The following SECISBP2 variants were observed in gnomAD, a reference collection of about 807,000 sequenced individuals.
The protein encoded by SECISBP2 is selenocysteine insertion sequence-binding protein 2.
A neutral mutation model predicts 98.2 loss-of-function variants in SECISBP2; 96 were observed. The ratio of observed to expected loss-of-function variants is 0.98; its 90% CI spans 0.83 to 1.16. The LOEUF (loss-of-function observed/expected upper bound fraction) is 1.16. Among genes scored for constraint, SECISBP2 ranks in the 50% most tolerant of loss-of-function variants. The pLI is 0.00. For synonymous variants in SECISBP2, 407 were observed against 370.2 expected (o/e 1.10, Z -1.14); for missense variants, 1,046 against 1,022.9 (o/e 1.02, Z -0.31).
Position 89,325,653 on chromosome 9 carries a change from C to T in SECISBP2, c.409C>T (p.Gln137Ter). Residue 137 changes from glutamine to a stop codon, truncating the protein, a stop_gained, in exon 3 of 17, where the codon CAA (glutamine) becomes TAA (stop). Transcript: ENST00000375807. LOFTEE classifies it high-confidence loss of function. ...AAATGAGAACACATGCCCTCTCCCA[C>T]AAGAAATGAAAGCTCTGTTTAAGGT... ...HRNENTCPLP[Q>*]EMKALFKKKT... 1 of 1,614,166 alleles carries T rather than the reference C, an allele frequency of 6.2e-7. No individual in the cohort carries two copies. The highest frequency in any genetic ancestry group is 8.5e-7 in the Non-Finnish European group (1 of 1,180,020).
At chr9:89,353,258 C>G (rs762213367) in intron 14 of SECISBP2, among the ~76,000 whole-genome samples, 1 of 152,162 alleles carries the variant, frequency 6.6e-6, no homozygotes, top group Non-Finnish European at 1.5e-5. Flanking sequence ...GCACTGAGAA[C>G]TTCTGCTGTA....
intron 14 of SECISBP2, among the ~76,000 whole-genome samples, chr9:89,351,418 G>A (rs1007931628): frequency 6.6e-6 from 1 of 152,196 alleles, no homozygotes; most frequent in Non-Finnish European, 1.5e-5. Flanking sequence ...TGCTTGTGCT[G>A]TCTTGGCTCC....
chr9:89,349,750 T>C, intron 12 of SECISBP2, 26 bp from the exon 13 acceptor site: 1 of 1,613,888 alleles, frequency 6.2e-7, no homozygotes, highest in Non-Finnish European at 8.5e-7. Flanking sequence ...CACAGATATC[T>C]GATGATGCCT....
chr9:89,345,060 C>A (rs1830229413), intron 10 of SECISBP2, among the ~76,000 whole-genome samples: 1 of 152,214 alleles, frequency 6.6e-6, no homozygotes, highest in Non-Finnish European at 1.5e-5. Context: ...AACAAATTCT[C>A]ATGGTCTTTG....
At chr9:89,333,920 T>C (rs1005458482) in intron 6 of SECISBP2, 2 of 524,320 alleles carry the variant, frequency 3.8e-6, no homozygotes, top group African/African-American at 4.2e-5. Context: ...TGTAGTTCTC[T>C]AGTGAGGGGA....
At chr9:89,355,205 T>G (rs919282234) in intron 14 of SECISBP2, 3 of 985,342 alleles carry the variant, frequency 3.0e-6, no homozygotes, top group East Asian at 1.1e-4. Context: ...GTAAGTAGAT[T>G]CCAGGTGATA....
downstream of SECISBP2, chr9:89,362,139 T>C: frequency 1.7e-6 from 1 of 587,788 alleles, no homozygotes; most frequent in Non-Finnish European, 3.0e-6. Context: ...GGTTACCTGC[T>C]TGTGCCAGAC....
intron 9 of SECISBP2, among the ~76,000 whole-genome samples, chr9:89,340,223 G>C (rs1251317687): frequency 6.6e-6 from 1 of 152,096 alleles, no homozygotes; most frequent in Non-Finnish European, 1.5e-5. Context: ...TGGAAAGGAG[G>C]GGGATCATAC....
At position 89,357,562 on chromosome 9, in the gene SECISBP2, C is replaced by G; in HGVS notation, c.2265C>G (p.Ala755=). The G allele has an allele frequency of 6.2e-7, 1 of 1,613,424 alleles. No individual in the cohort carries two copies. The highest frequency in any genetic ancestry group is 1.7e-5 in the Admixed American group (1 of 60,012). ...SVVGIFSYDG[A]QDQFHKMVEL... ...TGGGGATCTTCAGCTATGATGGGGC[C>G]CAGGTGAGTGCACAGGGCACAGGCC... is the stretch of plus-strand genomic sequence containing the variant. The change falls in exon 15 of 17, where the codon GCC becomes GCG. Residue 755 remains alanine, a synonymous_variant. Transcript: ENST00000375807.
At position 89,350,797 on chromosome 9, in the gene SECISBP2, C is replaced by G. The variant is rs935612955; in HGVS notation, c.2058C>G (p.Leu686=). 1.2e-6 allele frequency: 2 copies of G among 1,614,112 alleles called. No individual in the cohort carries two copies. The highest frequency in any genetic ancestry group is 2.2e-5 in the South Asian group (2 of 91,084). Residue 686 remains leucine, a synonymous_variant, in exon 14 of 17, where the codon CTC becomes CTG. Coordinates refer to ENST00000375807, the MANE Select transcript of SECISBP2 (RefSeq NM_024077.5). The stretch of plus-strand genomic sequence containing the variant: ...GGGAGGTTCTCAAACACCTGAAGCT[C>G]AAAAAACTGAAATGTGTCATTATTT... The part of the protein sequence containing the change: ...GLREVLKHLK[L]KKLKCVIISP...
At position 89,359,199 on chromosome 9, in the gene SECISBP2, GCTC is replaced by G; in HGVS notation, c.*378_*380del. 1 of 331,418 alleles carries G rather than the reference GCTC, an allele frequency of 3.0e-6. No individual in the cohort carries two copies. Among genetic ancestry groups the G allele is most frequent in the Non-Finnish European group, 5.8e-6 (1 of 172,336 alleles). 20.5% of individuals were successfully genotyped at this position (331,418 alleles called of 1,614,324 possible). On this transcript the variant is annotated 3_prime_UTR_variant, in exon 17 of 17. Coordinates refer to ENST00000375807, the MANE Select transcript of SECISBP2 (RefSeq NM_024077.5). ...TGAGTTTGCAGAAAGCAGGTGGTGA[GCTC>G]CTGCCTGCTGGAGGTTGCCATGGAG...
intron 12 of SECISBP2, 98 bp downstream of exon 12, chr9:89,348,312 C>T (rs981646334): frequency 7.1e-7 from 1 of 1,400,202 alleles, no homozygotes; most frequent in Admixed American, 1.7e-5. Flanking sequence ...TTGGCTGACT[C>T]CTCTTCCTTT....
intron 2 of SECISBP2, chr9:89,324,878 A>G (rs1426831703): frequency 6.4e-6 from 1 of 157,376 alleles, no homozygotes; most frequent in African/African-American, 2.4e-5. Context: ...AATTGAGGCA[A>G]TAGCAACCTT....
intron 7 of SECISBP2, among the ~76,000 whole-genome samples, chr9:89,336,046 A>G (rs1422425595): frequency 2.2e-5 from 3 of 138,822 alleles, no homozygotes; most frequent in South Asian, 4.5e-4. Flanking sequence ...GATAGCATTC[A>G]GAATAGATTT....
chr9:89,338,269 C>CT (rs1554720919), intron 7 of SECISBP2, among the ~76,000 whole-genome samples, 189 bp from the exon 8 acceptor site: 1 of 152,070 alleles, frequency 6.6e-6, no homozygotes, highest in African/African-American at 2.4e-5. Flanking sequence ...TTTGAACAAA[C>CT]TTTTTTTTCC....
Position 89,358,151 on chromosome 9 carries a change from T to C in SECISBP2, c.2421T>C (p.Asp807=). 6.2e-7 allele frequency: 1 copy of C among 1,613,690 alleles called. No homozygotes were observed. The highest frequency in any genetic ancestry group is 2.2e-5 in the East Asian group (1 of 44,872). The change falls in exon 16 of 17, where the codon GAT becomes GAC. Residue 807 remains aspartate, a synonymous_variant. Transcript: ENST00000375807. ...AGGGCCCCAGCTGCCCTGCAGAAGATGGCCCCCCAGCCCTGAAAGAAAAAG... is the reference window on the plus strand; with the variant it reads ...AGGGCCCCAGCTGCCCTGCAGAAGACGGCCCCCCAGCCCTGAAAGAAAAAG... ...PTQGPSCPAE[D]GPPALKEKEE... is the part of the protein sequence containing the mutation.
chr9:89,329,087 G>T (rs1265815687), intron 5 of SECISBP2: 2 of 587,808 alleles, frequency 3.4e-6, no homozygotes, highest in Admixed American at 3.1e-5. Flanking sequence ...ATCTAGTGCA[G>T]CTATTGTTTT....
rs756328638 is a variant in SECISBP2 at position 89,350,722 on chromosome 9, G to C, written c.1983G>C (p.Gln661His). ...ELVRFQDRMY[Q>H]KDPVKAKTKR... ...TCCGTTTCCAAGACCGTATGTACCA[G>C]AAAGATCCAGTCAAGGCCAAGACTA... The change falls in exon 14 of 17, where the codon CAG (glutamine) becomes CAC (histidine). Residue 661 changes from glutamine (Q) to histidine (H), a missense_variant. Physicochemically the swap from Gln to His is conservative, Grantham distance 24. Coordinates refer to ENST00000375807, the MANE Select transcript of SECISBP2 (RefSeq NM_024077.5). The C allele has an allele frequency of 1.2e-6, 2 of 1,614,104 alleles. No homozygotes were observed. Among genetic ancestry groups the C allele is most frequent in the Non-Finnish European group, 1.7e-6 (2 of 1,180,048 alleles).
At position 89,358,242 on chromosome 9, in the gene SECISBP2, G is replaced by T. The variant is rs1303102358; in HGVS notation, c.2461+51G>T. The T allele has an allele frequency of 2.6e-6, 4 of 1,557,870 alleles. No individual in the cohort carries two copies. In the East Asian group the frequency reaches 9.3e-5, roughly 36 times the overall value. ...CAGGTCGAGTGTCCTCTTATTTACT[G>T]ACTTTAATTAGGAGTCCCTAGGTGA... On this transcript the variant is annotated intron_variant, in intron 16 of 16. Coordinates refer to ENST00000375807, the MANE Select transcript of SECISBP2 (RefSeq NM_024077.5).
Sources: gnomAD v4.1 joint callset for allele counts (sites outside exome capture counted in the v4.1 genomes callset) on GRCh38, gnomAD v4.1.1 for gene constraint, MANE v1.5 for transcripts, NCBI Gene and HGNC (gene_info 2026-07-23, HGNC 2026-07-21) for gene names.